AP3B1: variants seen among roughly 807,000 people sequenced by gnomAD.
The protein encoded by AP3B1 is AP-3 complex subunit beta-1.
A neutral mutation model predicts 132.5 loss-of-function variants in AP3B1; 61 were observed. The observed-to-expected ratio is 0.46, with a 90% CI of 0.37 to 0.57. AP3B1 has a LOEUF of 0.57. Among genes scored for constraint, AP3B1 ranks in the 20% least tolerant of loss-of-function variants. AP3B1 has a pLI of 0.00. For missense variants in AP3B1, 1,120 were observed against 1,289.4 expected, an observed-to-expected ratio of 0.87 and a Z score of 2.01; for synonymous variants, 388 against 438.3, an observed-to-expected ratio of 0.89 and a Z score of 1.43.
At chr5:78,165,699 C>T in intron 11 of AP3B1, 27 bp from the exon 12 acceptor site, 1 of 1,455,886 alleles carries the variant, frequency 6.9e-7, no homozygotes, top group South Asian at 1.2e-5. Context: ...AGAAAGTAAA[C>T]ATTTTAAAAC....
intron 22 of AP3B1, among the ~76,000 whole-genome samples, chr5:78,060,392 G>A (rs918789233): frequency 1.8e-4 from 28 of 152,084 alleles, no homozygotes; most frequent in African/African-American, 2.4e-5. Context: ...AGTCTGTATC[G>A]GTCTGATAGA....
chr5:78,028,395 C>T (rs1319473512), intron 24 of AP3B1, among the ~76,000 whole-genome samples: 5 of 149,960 alleles, frequency 3.3e-5, no homozygotes, highest in East Asian at 2.0e-4. Context: ...ACCAAGGAGG[C>T]GGAGGTTGCA....
intron 6 of AP3B1, among the ~76,000 whole-genome samples, chr5:78,224,527 G>C (rs1746322282): frequency 6.6e-6 from 1 of 152,036 alleles, no homozygotes; most frequent in Non-Finnish European, 1.5e-5. Flanking sequence ...CAATAAGTGT[G>C]AATGGATTAA....
At chr5:78,075,360 G>C (rs1159464926) in intron 22 of AP3B1, among the ~76,000 whole-genome samples, 1 of 152,148 alleles carries the variant, frequency 6.6e-6, no homozygotes, top group Non-Finnish European at 1.5e-5. Context: ...ACTTCTTCAT[G>C]AATTATGGTT....
intron 14 of AP3B1, among the ~76,000 whole-genome samples, chr5:78,149,126 A>T (rs776186780): frequency 6.6e-6 from 1 of 152,074 alleles, no homozygotes; most frequent in Non-Finnish European, 1.5e-5. Flanking sequence ...AGGAAATAAT[A>T]AAAAAAACCT....
intron 7 of AP3B1, among the ~76,000 whole-genome samples, chr5:78,210,179 A>G (rs1375882209): frequency 6.6e-6 from 1 of 152,170 alleles, no homozygotes; most frequent in Non-Finnish European, 1.5e-5. Flanking sequence ...GTGGATCTAT[A>G]GTCCATTGGT....
At chr5:78,228,029 C>G (rs1746471017) in intron 4 of AP3B1, 115 bp downstream of exon 4, 1 of 656,400 alleles carries the variant, frequency 1.5e-6, no homozygotes, top group Non-Finnish European at 2.5e-6. Flanking sequence ...AGGCTTTTAA[C>G]TCTTTCAAGA....
At chr5:78,184,686 C>CAAAAAAAAAAAAAAAAAAAAACAAA (rs772722596) in intron 7 of AP3B1, among the ~76,000 whole-genome samples, 24 of 110,550 alleles carry the variant, frequency 2.2e-4, no homozygotes, top group African/African-American at 8.3e-4. Context: ...GACACTGTCT[C>CAAAAAAAAAAAAAAAAAAAAACAAA]AAAAAAAAAA....
At chr5:78,136,717 T>TG (rs67726489) in intron 15 of AP3B1, among the ~76,000 whole-genome samples, 2 of 150,508 alleles carry the variant, frequency 1.3e-5, no homozygotes, top group Non-Finnish European at 2.9e-5. Context: ...ATTGTACTTC[T>TG]GGTTTTTTTT....
intron 14 of AP3B1, among the ~76,000 whole-genome samples, chr5:78,153,277 T>C (rs1174277444): frequency 6.6e-6 from 1 of 152,218 alleles, no homozygotes; most frequent in African/African-American, 2.4e-5. Context: ...TGACTCTTTA[T>C]CATTAAATAA....
intron 17 of AP3B1, among the ~76,000 whole-genome samples, chr5:78,122,342 G>A (rs1418564232): frequency 6.6e-6 from 1 of 152,184 alleles, no homozygotes; most frequent in Admixed American, 6.5e-5. Flanking sequence ...GGAAGTTCTG[G>A]CCAGGGCAGT....
In AP3B1 at chr5:78,186,288, A is replaced by AGG. The variant is rs1744602519; in HGVS notation, c.787-4627_787-4626insCC. 2.6e-5 allele frequency among the ~76,000 whole-genome samples: 4 copies of AGG among 152,216 alleles called. 1 individual carries two copies. The highest frequency in any genetic ancestry group is 5.9e-5 in the Non-Finnish European group (4 of 68,040). ...TACACTTCAGAGCAAAGAAAATTAC[A>AGG]ACAGAGAAGGACATTATAGAATGAC... is the stretch of plus-strand genomic sequence containing the variant. On this transcript the variant is annotated intron_variant, in intron 7 of 26. Coordinates refer to ENST00000255194, the MANE Select transcript of AP3B1 (RefSeq NM_003664.5).
At chr5:78,245,213 G>A (rs1341931945) in intron 2 of AP3B1, among the ~76,000 whole-genome samples, 3 of 152,210 alleles carry the variant, frequency 2.0e-5, no homozygotes, top group African/African-American at 7.2e-5. Context: ...CTGAGAAGCA[G>A]ACGTTCAGGG....
intron 11 of AP3B1, 54 bp from the exon 12 acceptor site, chr5:78,165,726 A>T (rs1439224861): frequency 8.4e-7 from 1 of 1,196,486 alleles, no homozygotes; most frequent in African/African-American, 1.5e-5. Context: ...AGCAAGATGA[A>T]TTTAATAGAG....
intron 12 of AP3B1, among the ~76,000 whole-genome samples, chr5:78,163,243 T>C (rs1388794501): frequency 6.6e-6 from 1 of 152,096 alleles, no homozygotes; most frequent in East Asian, 1.9e-4. Context: ...AGACAGCAAT[T>C]AGTTTAAGTG....
intron 11 of AP3B1, among the ~76,000 whole-genome samples, chr5:78,168,217 TTC>T (rs1163379899): frequency 5.4e-5 from 8 of 146,790 alleles, no homozygotes; most frequent in Admixed American, 4.1e-4. Flanking sequence ...GACAACTTTT[TTC>T]TTTTTTCTTT....
chr5:78,200,840 T>C (rs1469262668), intron 7 of AP3B1, among the ~76,000 whole-genome samples: 2 of 152,152 alleles, frequency 1.3e-5, no homozygotes, highest in Admixed American at 6.6e-5. Flanking sequence ...TTGGTTGTTA[T>C]GGGCCAAACT....
At chr5:78,119,064 G>GA (rs1205292700) in intron 17 of AP3B1, among the ~76,000 whole-genome samples, 2 of 152,202 alleles carry the variant, frequency 1.3e-5, no homozygotes, top group Non-Finnish European at 2.9e-5. Flanking sequence ...CACCGCTGCT[G>GA]ATACCCAGGC....
intron 3 of AP3B1, among the ~76,000 whole-genome samples, chr5:78,239,952 T>C (rs1412035898): frequency 1.3e-5 from 2 of 152,174 alleles, no homozygotes; most frequent in African/African-American, 4.8e-5. Context: ...TTTAAAATCA[T>C]CACGCAAAAT....
Sources: gnomAD v4.1 joint callset for allele counts (sites outside exome capture counted in the v4.1 genomes callset) on GRCh38, gnomAD v4.1.1 for gene constraint, MANE v1.5 for transcripts, NCBI Gene and HGNC (gene_info 2026-07-23, HGNC 2026-07-21) for gene names.